Variants in ZNF83 observed in about 807,000 individuals in gnomAD.
ZNF83 encodes the protein zinc finger protein 816B.
For synonymous variants in ZNF83, 209 were observed against 213.0 expected (o/e 0.98, Z 0.17); for missense variants, 552 against 629.9 (o/e 0.88, Z 1.32).
intron 1 of ZNF83, among the ~76,000 whole-genome samples, chr19:52,661,772 T>C (rs2061583589): frequency 6.6e-6 from 1 of 152,026 alleles, no homozygotes; most frequent in African/African-American, 2.4e-5. Flanking sequence ...ACAGGTAACA[T>C]GGACCAGAGG....
upstream of ZNF83, among the ~76,000 whole-genome samples, chr19:52,643,365 A>AG (rs2061332655): frequency 6.6e-6 from 1 of 151,082 alleles, no homozygotes; most frequent in African/African-American, 2.4e-5. Flanking sequence ...AAATAGAAAA[A>AG]AAAAAAAAAG....
intron 1 of ZNF83, among the ~76,000 whole-genome samples, chr19:52,664,817 G>C (rs2061627560): frequency 6.6e-6 from 1 of 151,962 alleles, no homozygotes; most frequent in African/African-American, 2.4e-5. Context: ...AGGGGTCAGG[G>C]CCTGAGCTTC....
intron 1 of ZNF83, among the ~76,000 whole-genome samples, chr19:52,687,173 C>T (rs2062030459): frequency 7.0e-6 from 1 of 143,108 alleles, no homozygotes; most frequent in Non-Finnish European, 1.5e-5. Flanking sequence ...AAGAGTAAAA[C>T]TCCATCTCAA....
At chr19:52,653,145 G>GT in intron 3 of ZNF83, 3 of 1,471,956 alleles carry the variant, frequency 2.0e-6, no homozygotes, top group East Asian at 2.3e-5. Flanking sequence ...CATGACAGTT[G>GT]TAAGGTTTTT....
At chr19:52,630,776 A>C (rs2060927050) in intron 2 of ZNF83, among the ~76,000 whole-genome samples, 1 of 152,038 alleles carries the variant, frequency 6.6e-6, no homozygotes, top group African/African-American at 2.4e-5. Flanking sequence ...ATCCCACAGC[A>C]CGCTTTAAAA....
At chr19:52,622,296 G>C (rs1286453956) in intron 2 of ZNF83, among the ~76,000 whole-genome samples, 2 of 152,092 alleles carry the variant, frequency 1.3e-5, no homozygotes, top group African/African-American at 4.8e-5. Flanking sequence ...TCAACACTTA[G>C]GCCCCTTCTC....
chr19:52,630,642 C>G (rs962220602), intron 2 of ZNF83, among the ~76,000 whole-genome samples: 6 of 152,070 alleles, frequency 3.9e-5, no homozygotes, highest in Admixed American at 1.3e-4. Flanking sequence ...ATCCTCCTCT[C>G]GTATCCCCCC....
chr19:52,679,835 C>T (rs186343952), intron 1 of ZNF83, among the ~76,000 whole-genome samples: 1 of 152,148 alleles, frequency 6.6e-6, no homozygotes, highest in Admixed American at 6.6e-5. Context: ...ACAAGCTATC[C>T]ATGACTGATA....
At chr19:52,676,394 G>A (rs1224793754) in intron 1 of ZNF83, among the ~76,000 whole-genome samples, 2 of 152,128 alleles carry the variant, frequency 1.3e-5, no homozygotes, top group African/African-American at 2.4e-5. Context: ...GCCTCTGCCC[G>A]GCCGCCACCC....
At chr19:52,679,991 C>G (rs1018923060) in intron 1 of ZNF83, among the ~76,000 whole-genome samples, 4 of 152,194 alleles carry the variant, frequency 2.6e-5, no homozygotes, top group Middle Eastern at 3.4e-3. Context: ...ACCAGACTGA[C>G]CAACATGGAG....
At chr19:52,649,622 A>T (rs1239128626) in intron 3 of ZNF83, among the ~76,000 whole-genome samples, 1 of 152,150 alleles carries the variant, frequency 6.6e-6, no homozygotes, top group Non-Finnish European at 1.5e-5. Context: ...AGCATTTTAG[A>T]TAAAACAGAA....
At chr19:52,630,269 G>C (rs555579816) in intron 2 of ZNF83, among the ~76,000 whole-genome samples, 13 of 152,222 alleles carry the variant, frequency 8.5e-5, no homozygotes, top group Non-Finnish European at 1.5e-4. Context: ...CGATCGCCTC[G>C]GAAGCCTACA....
intron 2 of ZNF83, among the ~76,000 whole-genome samples, chr19:52,630,021 G>C (rs1487703892): frequency 6.6e-6 from 1 of 152,170 alleles, no homozygotes; most frequent in East Asian, 1.9e-4. Context: ...CATTCCTCCA[G>C]AACCTCCTCC....
At chr19:52,659,515 T>C (rs560068012) in intron 2 of ZNF83, among the ~76,000 whole-genome samples, 9 of 151,224 alleles carry the variant, frequency 6.0e-5, no homozygotes, top group African/African-American at 2.2e-4. Flanking sequence ...TCAGTGTATG[T>C]TTTATTCATA....
intron 1 of ZNF83, among the ~76,000 whole-genome samples, chr19:52,669,262 C>T (rs1304963048): frequency 6.6e-6 from 1 of 152,164 alleles, no homozygotes; most frequent in Non-Finnish European, 1.5e-5. Context: ...GGTCTTTTGA[C>T]TCTCACGTCT....
chr19:52,658,631 G>A (rs1476240636), intron 2 of ZNF83, among the ~76,000 whole-genome samples: 2 of 152,150 alleles, frequency 1.3e-5, no homozygotes, highest in African/African-American at 4.8e-5. Context: ...CAAACCTTTT[G>A]GAAGGCCGAA....
chr19:52,644,536 T>G (rs1322678933), intron 3 of ZNF83, among the ~76,000 whole-genome samples: 8 of 152,186 alleles, frequency 5.3e-5, no homozygotes, highest in African/African-American at 1.7e-4. Flanking sequence ...TCCACATACC[T>G]GGGCTAAAAA....
chr19:52,643,369 A>AG (rs1018192400), upstream of ZNF83, among the ~76,000 whole-genome samples: 44 of 151,326 alleles, frequency 2.9e-4, no homozygotes, highest in East Asian at 6.3e-3. Context: ...AGAAAAAAAA[A>AG]AAAAAGGCAT....
upstream of ZNF83, chr19:52,690,496 T>C: frequency 5.4e-6 from 1 of 186,110 alleles, no homozygotes; most frequent in Non-Finnish European, 1.2e-5. Context: ...TGCGAGAATC[T>C]GCGCGCGCAG....
Sources: gnomAD v4.1 joint callset for allele counts (sites outside exome capture counted in the v4.1 genomes callset) on GRCh38, gnomAD v4.1.1 for gene constraint, MANE v1.5 for transcripts, NCBI Gene and HGNC (gene_info 2026-07-23, HGNC 2026-07-21) for gene names.